P2RX1: variants seen among roughly 807,000 people sequenced by gnomAD.
The protein encoded by P2RX1 is P2X purinoceptor 1.
Under a neutral mutation model 50.3 loss-of-function variants are expected in P2RX1, and 42 were observed. That is an observed-to-expected ratio of 0.83 (90% CI 0.65 to 1.08). The LOEUF (loss-of-function observed/expected upper bound fraction) is 1.08, where lower values mean the gene tolerates loss of function less well. Ranked by LOEUF, P2RX1 falls within the 50% of genes least tolerant of loss-of-function variation. P2RX1 has a pLI of 0.00. For missense variants in P2RX1, 449 were observed against 529.0 expected, an observed-to-expected ratio of 0.85 and a Z score of 1.48; for synonymous variants, 199 against 202.6, an observed-to-expected ratio of 0.98 and a Z score of 0.15.
intron 2 of P2RX1, 34 bp from the exon 3 acceptor site, chr17:3,904,963 G>GTGGGGGGGGGGGGGGGGGGGGGGGGGC: frequency 2.3e-6 from 1 of 435,324 alleles, no homozygotes; most frequent in Non-Finnish European, 4.7e-6. Flanking sequence ...GGTGGGGTGG[G>GTGGGGGGGGGGGGGGGGGGGGGGGGGC]CTGGGAGCTG....
chr17:3,911,165 T>C (rs2056356052), intron 1 of P2RX1, among the ~76,000 whole-genome samples: 1 of 151,634 alleles, frequency 6.6e-6, no homozygotes, highest in Non-Finnish European at 1.5e-5. Context: ...TTTTTTTTTT[T>C]TTTTTAGATA....
At position 3,910,131 on chromosome 17, in the gene P2RX1, C is replaced by T. The variant is rs542823849; in HGVS notation, c.138-4764G>A. Among the ~76,000 whole-genome samples, 8 of 152,114 alleles carry T rather than the reference C, an allele frequency of 5.3e-5. No homozygotes were observed. In the South Asian group the frequency reaches 6.2e-4, roughly 12 times the overall value. ...CTGGGATTACAGGCGCACACCAACACGCCTGGCTAATTTTTGTATTTTTAG... is the reference window on the plus strand; with the variant it reads ...CTGGGATTACAGGCGCACACCAACATGCCTGGCTAATTTTTGTATTTTTAG... On this transcript the variant is annotated intron_variant, in intron 1 of 11. Coordinates refer to ENST00000225538, the MANE Select transcript of P2RX1 (RefSeq NM_002558.4).
chr17:3,904,568 G>T, intron 3 of P2RX1, 169 bp from the exon 4 acceptor site: 1 of 686,366 alleles, frequency 1.5e-6, no homozygotes, highest in Non-Finnish European at 2.5e-6. Context: ...ACACTGCTCT[G>T]CCGAGGCGCC....
At chr17:3,898,912 C>A (rs1473882713) in intron 9 of P2RX1, 22 bp downstream of exon 9, 1 of 1,587,820 alleles carries the variant, frequency 6.3e-7, no homozygotes. Context: ...CAGCTGCCAC[C>A]ACCCTCACAC....
rs55749608 is a variant in P2RX1 at position 3,896,824 on chromosome 17, G to A, written c.*990C>T. 6,976 of 152,414 alleles carry A rather than the reference G, an allele frequency of 0.046. 360 individuals carry two copies. Among genetic ancestry groups the A allele is most frequent in the African/African-American group, 0.13 (5,277 of 41,548 alleles). The allele number at this position is 152,414 out of a possible 1,614,324, so 9.4% of individuals were successfully genotyped here. On this transcript the variant is annotated 3_prime_UTR_variant, in exon 12 of 12. Coordinates refer to ENST00000225538, the MANE Select transcript of P2RX1 (RefSeq NM_002558.4). ...TTTCCCTATGGAGGTGACATGGCAC[G>A]GACCATGTGTGTGTGCTTGGGGGTG...
chr17:3,904,287 G>A (rs748581954), intron 4 of P2RX1, 43 bp downstream of exon 4: 39 of 1,571,202 alleles, frequency 2.5e-5, no homozygotes, highest in Middle Eastern at 1.7e-4. Context: ...GTCAGGGACC[G>A]CAGCCGGGGG....
intron 1 of P2RX1, among the ~76,000 whole-genome samples, chr17:3,915,032 G>A (rs2056425337): frequency 6.6e-6 from 1 of 152,118 alleles, no homozygotes; most frequent in African/African-American, 2.4e-5. Context: ...GGGTCAGCCT[G>A]CCCTGGACTC....
rs1299270016 is a variant in P2RX1 at position 3,903,911 on chromosome 17, G to C, written c.524+17C>G. The C allele has an allele frequency of 1.3e-6, 2 of 1,595,918 alleles. No homozygotes were observed. The highest frequency in any genetic ancestry group is 1.7e-5 in the Admixed American group (1 of 60,012). ...CTGGGACCCTGTTCTTAGCTCTCTGGAAGGTCAGAGTGTTACCGCGGGATG... is the reference window on the plus strand; with the variant it reads ...CTGGGACCCTGTTCTTAGCTCTCTGCAAGGTCAGAGTGTTACCGCGGGATG... On this transcript the variant is annotated intron_variant, in intron 5 of 11. Transcript: ENST00000225538. The surrounding 1 kb of genome is among the most constrained non-coding windows in gnomAD (Gnocchi z 4.6).
At chr17:3,900,069 C>G (rs992834477) in intron 7 of P2RX1, among the ~76,000 whole-genome samples, 40 of 151,982 alleles carry the variant, frequency 2.6e-4, no homozygotes, top group African/African-American at 9.7e-4. Context: ...CCACTGCACT[C>G]TAGCCTGGGT....
In P2RX1 at chr17:3,898,987, G is replaced by C; in HGVS notation, c.913C>G (p.Arg305Gly). The change falls in exon 9 of 12, where the codon CGT (arginine) becomes GGT (glycine). Residue 305 changes from arginine to glycine, a missense_variant. By Grantham distance (125) the Arg-to-Gly change is moderately radical. Coordinates refer to ENST00000225538, the MANE Select transcript of P2RX1 (RefSeq NM_002558.4). ...RHFVENGTNY[R>G]HLFKVFGIRF... is the part of the protein sequence containing the mutation. ...ATCCCAAACACCTTGAAGAGGTGAC[G>C]GTAGTTGGTCCCGTTCTCCACAAAG... 1 of 1,613,548 alleles carries C rather than the reference G, an allele frequency of 6.2e-7. No homozygotes were observed. The highest frequency in any genetic ancestry group is 1.7e-5 in the Admixed American group (1 of 59,980).
At chr17:3,904,993 CCCA>C in intron 2 of P2RX1, 64 bp from the exon 3 acceptor site, 1 of 1,258,122 alleles carries the variant, frequency 7.9e-7, no homozygotes, top group Non-Finnish European at 1.1e-6. Flanking sequence ...CCCCAAGGGC[CCCA>C]CCGCTGCCCC....
chr17:3,911,569 C>T (rs1383120224), intron 1 of P2RX1, among the ~76,000 whole-genome samples: 1 of 148,320 alleles, frequency 6.7e-6, no homozygotes. Context: ...GGCCTCTTCA[C>T]AGCTGTCCTG....
intron 1 of P2RX1, among the ~76,000 whole-genome samples, chr17:3,907,610 C>T (rs989234838): frequency 6.6e-6 from 1 of 152,192 alleles, no homozygotes; most frequent in African/African-American, 2.4e-5. Context: ...CACCTCTTCT[C>T]TAAGCCCCCT....
At chr17:3,899,969 C>T (rs541935373) in intron 7 of P2RX1, among the ~76,000 whole-genome samples, 119 of 152,216 alleles carry the variant, frequency 7.8e-4, no homozygotes, top group African/African-American at 2.5e-3. Context: ...GGTGTGGTGG[C>T]GCACGCCTGT....
In P2RX1 at chr17:3,898,041, ACTT is replaced by A. The variant is rs751548934; in HGVS notation, c.1099_1101del (p.Lys367del). 2.5e-6 allele frequency: 4 copies of A among 1,613,112 alleles called. No homozygotes were observed. Among genetic ancestry groups the A allele is most frequent in the East Asian group, 2.2e-5 (1 of 44,784 alleles). On this transcript the variant is annotated inframe_deletion, in exon 11 of 12. Transcript: ENST00000225538. ...GGCCCCATGTCCTCAGCGTATTTGA[ACTT>A]CTTCTGCTTGTAGTAGTGCCTCTTA...
Position 3,903,181 on chromosome 17 carries a change from G to A in P2RX1, c.747+21C>T, listed in dbSNP as rs1195395297. The stretch of plus-strand genomic sequence containing the variant: ...TCCTGCGGCCCAGCCCTCCCCACGT[G>A]CCTGGCACCATGCTCCATACCTTCT... On this transcript the variant is annotated intron_variant, in intron 7 of 11. Coordinates refer to ENST00000225538, the MANE Select transcript of P2RX1 (RefSeq NM_002558.4). The surrounding 1 kb of genome is among the most constrained non-coding windows in gnomAD (Gnocchi z 4.6). 1 of 1,613,776 alleles carries A rather than the reference G, an allele frequency of 6.2e-7. No individual in the cohort carries two copies. The highest frequency in any genetic ancestry group is 2.2e-5 in the East Asian group (1 of 44,894).
chr17:3,901,202 A>G lies in P2RX1; in HGVS notation c.748-1441T>C, dbSNP rs78014318. On this transcript the variant is annotated intron_variant, in intron 7 of 11. Transcript: ENST00000225538. ...CCTGCCTCAGCCTCCTGAGTAGCTG[A>G]GATTACAGGTGCCCGCCACCATGCC... Among the ~76,000 whole-genome samples, 22 of 152,126 alleles carry G rather than the reference A, an allele frequency of 1.4e-4. No homozygotes were observed. In the South Asian group the frequency reaches 1.5e-3, roughly 10 times the overall value.
Sources: gnomAD v4.1 joint callset for allele counts (sites outside exome capture counted in the v4.1 genomes callset) on GRCh38, gnomAD v4.1.1 for gene constraint, Gnocchi (gnomAD v3.1) non-coding constraint, MANE v1.5 for transcripts, NCBI Gene and HGNC (gene_info 2026-07-23, HGNC 2026-07-21) for gene names.